The following IDS variants were observed in gnomAD, a reference collection of about 807,000 sequenced individuals.
IDS encodes the protein iduronate 2-sulfatase.
Under a neutral mutation model 33.5 loss-of-function variants are expected in IDS, and 1 was observed. The observed-to-expected ratio is 0.03, with a 90% CI of 0.01 to 0.14. The LOEUF (loss-of-function observed/expected upper bound fraction) is 0.14. Ranked by LOEUF, IDS falls within the 10% of genes least tolerant of loss-of-function variation. The pLI is 1.00. For missense variants in IDS, 328 were observed against 448.0 expected (o/e 0.73, Z 2.42); for synonymous variants, 191 against 184.4 (o/e 1.04, Z -0.29).
chrX:149,489,078 G>A (rs1261970318), intron 7 of IDS, among the ~76,000 whole-genome samples: 1 of 112,240 alleles, frequency 8.9e-6, no homozygotes, highest in Non-Finnish European at 1.9e-5. Context: ...TCTGAGATGG[G>A]CTATTTGTAA....
At chrX:149,483,373 C>T (rs1390131433) in intron 8 of IDS, among the ~76,000 whole-genome samples, 155 bp from the exon 9 acceptor site, 8 of 111,587 alleles carry the variant, frequency 7.2e-5, no homozygotes, top group African/African-American at 1.6e-4. Flanking sequence ...AACACCACCT[C>T]GGCACCTCAC....
rs189727286 is a variant in IDS at position 149,494,574 on chromosome X, G to A, written c.879+1772C>T. Among the ~76,000 whole-genome samples, 4 of 111,445 alleles carry A rather than the reference G, an allele frequency of 3.6e-5. No individual in the cohort carries two copies. In the East Asian group the frequency reaches 8.5e-4, roughly 24 times the overall value. ...ATCCAAAGCTACAAGAGGACAGTGA[G>A]CAGGCCAGAGTTCAAGGGGAACACA... is the stretch of plus-strand genomic sequence containing the variant. On this transcript the variant is annotated intron_variant, in intron 6 of 8. Transcript: ENST00000340855.
chrX:149,504,695 T>G (rs782248788), intron 1 of IDS, among the ~76,000 whole-genome samples: 6 of 98,166 alleles, frequency 6.1e-5, no homozygotes, highest in Non-Finnish European at 1.0e-4. Flanking sequence ...GAAATATGAA[T>G]GGATAGAAGG....
Position 149,479,923 on chromosome X carries a change from G to A in IDS, c.*2823C>T. On this transcript the variant is annotated 3_prime_UTR_variant, in exon 9 of 9. Coordinates refer to ENST00000340855, the MANE Select transcript of IDS (RefSeq NM_000202.8). ...AGCGAACACAAGATTCTTTAGCAAT[G>A]TTCATTCCATCCCACAATAGAGTCT... 1 of 220,159 alleles carries A rather than the reference G, an allele frequency of 4.5e-6. No individual in the cohort carries two copies. The highest frequency in any genetic ancestry group is 8.3e-6 in the Non-Finnish European group (1 of 121,133). The allele number at this position is 220,159 out of a possible 1,213,427, so 18.1% of individuals were successfully genotyped here. A position where few individuals can be genotyped will look rare whatever the true frequency, so the allele number is the denominator to read the frequency against.
At chrX:149,496,623 T>C (rs2089439354) in intron 5 of IDS, 107 bp from the exon 6 acceptor site, 2 of 852,726 alleles carry the variant, frequency 2.3e-6, no homozygotes, top group Middle Eastern at 4.1e-4. Context: ...TGGGATGCAT[T>C]TGAGTGGTGG....
At chrX:149,492,274 C>T (rs1192385635) in intron 6 of IDS, among the ~76,000 whole-genome samples, 6 of 111,721 alleles carry the variant, frequency 5.4e-5, no homozygotes, top group East Asian at 2.8e-4. Context: ...CCACTCTGAC[C>T]GATCCCCCAC....
intron 6 of IDS, chrX:149,491,782 G>T: frequency 2.3e-6 from 1 of 438,802 alleles, no homozygotes; most frequent in Non-Finnish European, 3.5e-6. Context: ...CACCCTTGAT[G>T]AGCCACCCCA....
intron 6 of IDS, among the ~76,000 whole-genome samples, chrX:149,495,246 T>C (rs1379220131): frequency 8.9e-6 from 1 of 111,834 alleles, no homozygotes; most frequent in Non-Finnish European, 1.9e-5. Context: ...AACAAACAGA[T>C]GGATGCATTG....
chrX:149,493,890 C>A, intron 6 of IDS, among the ~76,000 whole-genome samples: 1 of 111,691 alleles, frequency 9.0e-6, no homozygotes, highest in East Asian at 2.8e-4. Context: ...CGATCCCCTA[C>A]CTCTGGCTGT....
intron 4 of IDS, among the ~76,000 whole-genome samples, chrX:149,500,124 C>G (rs1557339794): frequency 9.0e-6 from 1 of 111,573 alleles, no homozygotes; most frequent in Non-Finnish European, 1.9e-5. Flanking sequence ...AGACCCACCA[C>G]TTTGAGAAGA....
intron 3 of IDS, 35 bp from the exon 4 acceptor site, chrX:149,501,072 A>G (rs1557339937): frequency 1.7e-5 from 15 of 899,271 alleles, no homozygotes; most frequent in Non-Finnish European, 2.1e-5. Flanking sequence ...AAACATGATG[A>G]GTCTTTCAAC....
intron 8 of IDS, among the ~76,000 whole-genome samples, chrX:149,485,424 C>T (rs938071505): frequency 4.5e-5 from 5 of 112,116 alleles, no homozygotes; most frequent in Non-Finnish European, 7.5e-5. Context: ...GTGTGACAGG[C>T]TTTCTCATAG....
intron 3 of IDS, chrX:149,502,576 AAG>A (rs1188951298): frequency 5.6e-5 from 7 of 125,628 alleles, no homozygotes; most frequent in African/African-American, 2.2e-4. Flanking sequence ...AGCAAAGGGA[AAG>A]AGACTGAAAA....
chrX:149,493,294 A>G (rs1374921051), intron 6 of IDS, among the ~76,000 whole-genome samples: 4 of 112,577 alleles, frequency 3.6e-5, no homozygotes, highest in African/African-American at 1.3e-4. Context: ...GAGCTGGCCA[A>G]CAGTGAGGAA....
chrX:149,503,750 C>T (rs782482523), intron 2 of IDS, among the ~76,000 whole-genome samples: 36 of 112,303 alleles, frequency 3.2e-4, no homozygotes, highest in African/African-American at 1.0e-3. Context: ...GCACACAGAG[C>T]GGCCAGTGTT....
In IDS at chrX:149,486,928, G is replaced by A; in HGVS notation, c.1177C>T (p.Pro393Ser). The A allele has an allele frequency of 8.3e-7, 1 of 1,210,476 alleles. No homozygotes were observed. Among genetic ancestry groups the A allele is most frequent in the Non-Finnish European group, 1.1e-6 (1 of 894,282 alleles). Residue 393 changes from proline (P) to serine (S), a missense_variant, in exon 8 of 9, where the codon CCA (proline) becomes TCA (serine). Coordinates refer to ENST00000340855, the MANE Select transcript of IDS (RefSeq NM_000202.8). Reference sequence around the variant, plus strand: ...ATCATTTCAGCATATTTTATACCTGGCTCCATCAACTGTGAGGCGGAATCA... The same window carrying A: ...ATCATTTCAGCATATTTTATACCTGACTCCATCAACTGTGAGGCGGAATCA... ...PFDSASQLME[P>S]GRQSMDLVEL...
chrX:149,490,202 C>G lies in IDS; in HGVS notation c.1006+112G>C, dbSNP rs2089377556. ...AGGATCCCACTTTGTTTGTGAACCA[C>G]TGGTTCACAAAAGAGAACACACCCA... On this transcript the variant is annotated intron_variant, in intron 7 of 8. Transcript: ENST00000340855. 2.7e-5 allele frequency: 21 copies of G among 786,418 alleles called. No individual in the cohort carries two copies. The East Asian group carries it at 6.7e-4, about 25-fold the overall frequency. The allele number at this position is 786,418 out of a possible 1,213,427, so 64.8% of individuals were successfully genotyped here. A position where few individuals can be genotyped will look rare whatever the true frequency, so the allele number is the denominator to read the frequency against.
At chrX:149,497,991 C>A in intron 5 of IDS, 116 bp downstream of exon 5, 1 of 618,283 alleles carries the variant, frequency 1.6e-6, no homozygotes, top group Non-Finnish European at 2.7e-6. Context: ...GCCCATCAGG[C>A]AACCATGGTG....
intron 8 of IDS, among the ~76,000 whole-genome samples, chrX:149,483,673 G>A (rs998606937): frequency 2.1e-4 from 23 of 111,899 alleles, no homozygotes; most frequent in Non-Finnish European, 3.2e-4. Flanking sequence ...ATTTACCATC[G>A]TAACCACTTT....
Sources: allele counts gnomAD v4.1 joint callset (sites outside exome capture counted in the v4.1 genomes callset), GRCh38; gene constraint gnomAD v4.1.1; transcripts MANE v1.5; gene names NCBI Gene and HGNC (gene_info 2026-07-23, HGNC 2026-07-21).